The following DNAH9 variants were observed in gnomAD, a reference collection of about 807,000 sequenced individuals.
The protein encoded by DNAH9 is DNAH9 variant protein.
Under a neutral mutation model 471.6 loss-of-function variants are expected in DNAH9, and 345 were observed. The ratio of observed to expected loss-of-function variants is 0.73; its 90% CI spans 0.67 to 0.80. The LOEUF (loss-of-function observed/expected upper bound fraction) is 0.80, where lower values mean the gene tolerates loss of function less well. Among genes scored for constraint, DNAH9 ranks in the 30% least tolerant of loss-of-function variants. The pLI is 0.00. For synonymous variants in DNAH9, 2,093 were observed against 2,123.6 expected, an observed-to-expected ratio of 0.99 and a Z score of 0.40; for missense variants, 5,407 against 5,609.2, an observed-to-expected ratio of 0.96 and a Z score of 1.15.
rs117533152 is a variant in DNAH9 at position 11,759,713 on chromosome 17, G to T, written c.6995+2021G>T. On this transcript the variant is annotated intron_variant, in intron 35 of 68. Transcript: ENST00000262442. ...AATTTTTTTTTTTTTTTTGGTCAGA[G>T]TCTCGCTCTGTAGACCAGGCTGGAG... is the stretch of plus-strand genomic sequence containing the variant. Among the ~76,000 whole-genome samples the T allele has an allele frequency of 7.2e-3, 1,059 of 146,886 alleles. 71 individuals are homozygous for T. In the East Asian group the frequency reaches 0.15, roughly 20 times the overall value.
At position 11,598,691 on chromosome 17, in the gene DNAH9, G is replaced by C. The variant is rs1372352069; in HGVS notation, c.193G>C (p.Ala65Pro). The C allele has an allele frequency of 1.5e-6, 2 of 1,371,810 alleles. No individual in the cohort carries two copies. The highest frequency in any genetic ancestry group is 1.9e-6 in the Non-Finnish European group (2 of 1,069,362). 85.0% of individuals were successfully genotyped at this position (1,371,810 alleles called of 1,614,324 possible). The stretch of plus-strand genomic sequence containing the variant: ...CCAGGCCTTCCTGGGCCGCGATGCT[G>C]CCGAGGGGCCGCGGCCGCTGCTGGT... ...LLQAFLGRDA[A>P]EGPRPLLVVR... Residue 65 changes from alanine (A) to proline (P), a missense_variant, in exon 1 of 69, where the codon GCC becomes CCC. This residue lies in a region of DNAH9 where 767 missense variants were observed against 692.5 expected (regional missense o/e 1.11). Coordinates refer to ENST00000262442, the MANE Select transcript of DNAH9 (RefSeq NM_001372.4).
chr17:11,895,876 CTTAATTA>C (rs1567883143), intron 59 of DNAH9, among the ~76,000 whole-genome samples: 2 of 152,202 alleles, frequency 1.3e-5, no homozygotes. Flanking sequence ...AAACCTAGAA[CTTAATTA>C]TTTATATACT....
rs1156988834 is a variant in DNAH9, at chr17:11,606,448, C to CTT, written c.418-1678_418-1677dup. Among the ~76,000 whole-genome samples, 701 of 96,944 alleles carry CTT rather than the reference C, an allele frequency of 7.2e-3. 45 individuals are homozygous for CTT. The highest frequency in any genetic ancestry group is 0.03 in the African/African-American group (678 of 22,610). The allele number at this position is 96,944 out of a possible 152,430, so 63.6% of individuals were successfully genotyped here. A position where few individuals can be genotyped will look rare whatever the true frequency, so the allele number is the denominator to read the frequency against. On this transcript the variant is annotated intron_variant, in intron 1 of 68. Coordinates refer to ENST00000262442, the MANE Select transcript of DNAH9 (RefSeq NM_001372.4). Reference sequence around the variant, plus strand: ...AACTTTCTTTCTTTTCTTTTCTTTTCTTTTCTTTTTTTTTTTTTTGAGACA... The same window carrying CTT: ...AACTTTCTTTCTTTTCTTTTCTTTTCTTTTTTCTTTTTTTTTTTTTTGAGACA...
intron 15 of DNAH9, 122 bp from the exon 16 acceptor site, chr17:11,668,942 T>G (rs1169101189): frequency 7.1e-6 from 5 of 700,910 alleles, no homozygotes; most frequent in Non-Finnish European, 1.2e-5. Flanking sequence ...ACATTTCCGT[T>G]TCCCTACAGT....
intron 7 of DNAH9, among the ~76,000 whole-genome samples, chr17:11,631,691 T>C (rs1253039195): frequency 1.3e-5 from 2 of 150,592 alleles, no homozygotes; most frequent in Non-Finnish European, 3.0e-5. Context: ...ATGTATTTGC[T>C]ACCCTACAAT....
At chr17:11,718,618 A>G (rs1204775811) in intron 26 of DNAH9, among the ~76,000 whole-genome samples, 1 of 152,216 alleles carries the variant, frequency 6.6e-6, no homozygotes, top group African/African-American at 2.4e-5. Context: ...AATGGATTGA[A>G]TGTGATCCAT....
Position 11,875,073 on chromosome 17 carries a change from T to C in DNAH9, c.10367T>C (p.Leu3456Pro). The change falls in exon 53 of 69, where the codon CTC becomes CCC. Residue 3456 changes from leucine to proline, a missense_variant. Leu to Pro is a moderately conservative substitution (Grantham distance 98, BLOSUM62 -3). Around this residue, in one of 3 missense-constraint regions of DNAH9, gnomAD observed 4,636 missense variants for 4,900.3 expected, o/e 0.95. Transcript: ENST00000262442. ...DRMSVENATI[L>P]INCERWPLMV... is the part of the protein sequence containing the mutation. ...ATGTCCGTGGAGAATGCCACCATTC[T>C]CATCAACTGTGAGCGCTGGCCACTC... 6.2e-7 allele frequency: 1 copy of C among 1,614,116 alleles called. No individual in the cohort carries two copies. Among genetic ancestry groups the C allele is most frequent in the South Asian group, 1.1e-5 (1 of 91,042 alleles).
rs1347862572 is a variant in DNAH9 at position 11,874,987 on chromosome 17, G to A, written c.10281G>A (p.Arg3427=). ...IPVTPALDPL[R]MLMDDADVAA... ...TCACCCCAGCCCTGGATCCCCTGAGGATGCTGATGGATGATGCTGACGTGG... is the reference window on the plus strand; with the variant it reads ...TCACCCCAGCCCTGGATCCCCTGAGAATGCTGATGGATGATGCTGACGTGG... Residue 3427 remains arginine, a synonymous_variant, in exon 53 of 69, where the codon AGG becomes AGA. Transcript: ENST00000262442. The A allele has an allele frequency of 1.9e-6, 3 of 1,613,990 alleles. No homozygotes were observed. Among genetic ancestry groups the A allele is most frequent in the Admixed American group, 1.7e-5 (1 of 59,994 alleles).
chr17:11,698,247 TATATTAATATATAATA>T (rs1224818779), intron 22 of DNAH9, among the ~76,000 whole-genome samples: 1 of 43,334 alleles, frequency 2.3e-5, no homozygotes, highest in Admixed American at 3.7e-4. Flanking sequence ...TATTATATAA[TATATTAATATATAATA>T]ATTATATAAT....
chr17:11,808,838 C>T (rs1176254012), intron 44 of DNAH9, among the ~76,000 whole-genome samples: 1 of 152,116 alleles, frequency 6.6e-6, no homozygotes, highest in African/African-American at 2.4e-5. Flanking sequence ...CTGGGCATCA[C>T]GATTTTTCAA....
chr17:11,816,782 C>A (rs1184196561), intron 45 of DNAH9, among the ~76,000 whole-genome samples: 1 of 152,188 alleles, frequency 6.6e-6, no homozygotes, highest in African/African-American at 2.4e-5. Flanking sequence ...GTCTGGCTTC[C>A]AAACTATTAG....
chr17:11,858,675 G>A (rs1175103727), intron 50 of DNAH9, among the ~76,000 whole-genome samples: 2 of 152,074 alleles, frequency 1.3e-5, no homozygotes, highest in Non-Finnish European at 2.9e-5. Flanking sequence ...TCTTATTGAG[G>A]CAGTTGACCT....
chr17:11,693,876 A>C lies in DNAH9; in HGVS notation c.4623A>C (p.Lys1541Asn). 6.2e-7 allele frequency: 1 copy of C among 1,614,104 alleles called. No homozygotes were observed. Among genetic ancestry groups the C allele is most frequent in the Non-Finnish European group, 8.5e-7 (1 of 1,180,008 alleles). ...DIRAQLPQDSKRFEGIDIDFK... is the reference protein window; with the variant it reads ...DIRAQLPQDSNRFEGIDIDFK... ...CACATTTTTATTTGCAGGATTCTAA[A>C]AGGTTTGAAGGCATCGACATTGACT... The change falls in exon 21 of 69, where the codon AAA becomes AAC. Residue 1541 changes from lysine (K) to asparagine (N), a missense_variant. By Grantham distance (94) the Lys-to-Asn change is moderately conservative (BLOSUM62 0). Around this residue, in one of 3 missense-constraint regions of DNAH9, gnomAD observed 4,636 missense variants for 4,900.3 expected, o/e 0.95. Coordinates refer to ENST00000262442, the MANE Select transcript of DNAH9 (RefSeq NM_001372.4).
intron 4 of DNAH9, among the ~76,000 whole-genome samples, chr17:11,616,755 C>T (rs2072754056): frequency 6.6e-6 from 1 of 152,156 alleles, no homozygotes; most frequent in Non-Finnish European, 1.5e-5. Flanking sequence ...CATATGTATA[C>T]ATGTGCTCAC....
chr17:11,871,756 A>G lies in DNAH9; in HGVS notation c.10212A>G (p.Arg3404=), dbSNP rs755511637. 3 of 1,614,134 alleles carry G rather than the reference A, an allele frequency of 1.9e-6. No homozygotes were observed. The highest frequency in any genetic ancestry group is 2.5e-6 in the Non-Finnish European group (3 of 1,180,000). Residue 3404 remains arginine (R), a synonymous_variant, in exon 52 of 69, where the codon AGA becomes AGG. Transcript: ENST00000262442. Reference sequence around the variant, plus strand: ...AATACCGGCAGAGCCTCCTGGACAGAACTTGGAGGCCCTACCTGAGCCAGC... The same window carrying G: ...AATACCGGCAGAGCCTCCTGGACAGGACTTGGAGGCCCTACCTGAGCCAGC... ...TKKYRQSLLD[R]TWRPYLSQLK...
chr17:11,863,630 G>C (rs1468816898), intron 50 of DNAH9, among the ~76,000 whole-genome samples: 9 of 150,944 alleles, frequency 6.0e-5, no homozygotes, highest in Admixed American at 5.9e-4. Flanking sequence ...GGTAGAATTC[G>C]GCTGTGAATC....
chr17:11,720,243 CT>C (rs971089545), intron 27 of DNAH9, among the ~76,000 whole-genome samples: 4 of 149,132 alleles, frequency 2.7e-5, no homozygotes, highest in African/African-American at 9.9e-5. Flanking sequence ...TCCAATTTTT[CT>C]TTTTTTTTCT....
At chr17:11,667,317 A>T in intron 15 of DNAH9, among the ~76,000 whole-genome samples, 2 of 152,328 alleles carry the variant, frequency 1.3e-5, no homozygotes, top group South Asian at 4.1e-4. Flanking sequence ...TATAAACTAT[A>T]CCATCTTATA....
intron 9 of DNAH9, among the ~76,000 whole-genome samples, chr17:11,639,329 A>G (rs1320608719): frequency 6.6e-6 from 1 of 152,248 alleles, no homozygotes; most frequent in Non-Finnish European, 1.5e-5. Flanking sequence ...CCACTTCTCT[A>G]GTTGCTAGTT....
Sources: gnomAD v4.1 joint callset for allele counts (sites outside exome capture counted in the v4.1 genomes callset) on GRCh38, gnomAD v4.1.1 for gene constraint, gnomAD v4.1.1 regional missense constraint, MANE v1.5 for transcripts, NCBI Gene and HGNC (gene_info 2026-07-23, HGNC 2026-07-21) for gene names.